Variants in TMCO6 observed in about 807,000 individuals in gnomAD.
TMCO6 encodes transmembrane and coiled-coil domain-containing protein 6.
Under a neutral mutation model 61.8 loss-of-function variants are expected in TMCO6, and 47 were observed. That is an observed-to-expected ratio of 0.76 (90% CI 0.60 to 0.97). The LOEUF is 0.97. TMCO6 is among the 50% of genes least tolerant of loss of function. The pLI, the probability that TMCO6 is intolerant of heterozygous loss-of-function variation, is 0.00. For synonymous variants in TMCO6, 261 were observed against 254.2 expected, an observed-to-expected ratio of 1.03 and a Z score of -0.25; for missense variants, 557 against 601.6, an observed-to-expected ratio of 0.93 and a Z score of 0.78.
intron 2 of TMCO6, 137 bp from the exon 3 acceptor site, chr5:140,641,528 C>G (rs1363428055): frequency 2.9e-6 from 2 of 686,936 alleles, no homozygotes; most frequent in African/African-American, 1.8e-5. Context: ...AAGGTAGATG[C>G]TTATTAGTTG....
chr5:140,640,509 G>C (rs1756954882), intron 2 of TMCO6, among the ~76,000 whole-genome samples: 1 of 151,406 alleles, frequency 6.6e-6, no homozygotes, highest in Non-Finnish European at 1.5e-5. Context: ...GGGTTCAAGC[G>C]ATTCTCCTGC....
At chr5:140,603,554 C>T in the TMCO6 span, among the ~76,000 whole-genome samples, 6 of 152,246 alleles carry the variant, frequency 3.9e-5, no homozygotes, top group African/African-American at 1.4e-4. Flanking sequence ...GTGATCTGCC[C>T]GCCTCGGCCT....
chr5:140,604,263 T>C, the TMCO6 span, among the ~76,000 whole-genome samples: 20 of 152,046 alleles, frequency 1.3e-4, no homozygotes, highest in Non-Finnish European at 2.5e-4. Flanking sequence ...GGTGTGGTAG[T>C]GTGCTCCTGT....
chr5:140,644,346 TG>T, intron 10 of TMCO6, 152 bp downstream of exon 10: 1 of 992,456 alleles, frequency 1.0e-6, no homozygotes, highest in South Asian at 1.5e-5. Context: ...TCCCTTAAAC[TG>T]GATTATTTAT....
the TMCO6 span, among the ~76,000 whole-genome samples, chr5:140,625,324 C>G: frequency 0.18 from 27,371 of 152,160 alleles, 3,237 homozygotes; most frequent in East Asian, 0.29. Context: ...TGAGTGAAAA[C>G]CAAGCTTCAC....
downstream of TMCO6, chr5:140,647,375 A>G (rs767961780): frequency 3.1e-6 from 5 of 1,611,070 alleles, no homozygotes; most frequent in Non-Finnish European, 4.2e-6. Context: ...GCGGGGCCGG[A>G]GAGAGCGCCG....
At chr5:140,636,762 T>C (rs1756779427), upstream of TMCO6, among the ~76,000 whole-genome samples, 1 of 152,282 alleles carries the variant, frequency 6.6e-6, no homozygotes, top group African/African-American at 2.4e-5. Context: ...ATTGATTAAC[T>C]CCAAGGGGTA....
At chr5:140,640,772 T>C (rs1417761173) in intron 2 of TMCO6, among the ~76,000 whole-genome samples, 2 of 152,378 alleles carry the variant, frequency 1.3e-5, no homozygotes, top group African/African-American at 4.8e-5. Flanking sequence ...TAGACTTTAA[T>C]TGCAGGAAAA....
At chr5:140,609,703 T>C in the TMCO6 span, among the ~76,000 whole-genome samples, 1 of 152,136 alleles carries the variant, frequency 6.6e-6, no homozygotes, top group African/African-American at 2.4e-5. Flanking sequence ...ATTGTCATCT[T>C]GACAATCATA....
chr5:140,647,228 C>T, downstream of TMCO6: 1 of 1,525,266 alleles, frequency 6.6e-7, no homozygotes, highest in South Asian at 1.3e-5. Flanking sequence ...CCTACCGGAG[C>T]CCCAGACCCC....
At chr5:140,631,886 C>A in the TMCO6 span, 2 of 1,584,976 alleles carry the variant, frequency 1.3e-6, no homozygotes, top group South Asian at 2.3e-5. Context: ...CTTGGAGCAG[C>A]ACCAGGGTTC....
At chr5:140,612,898 A>C in the TMCO6 span, among the ~76,000 whole-genome samples, 1 of 152,192 alleles carries the variant, frequency 6.6e-6, no homozygotes, top group South Asian at 2.1e-4. Context: ...TCTTCAATCA[A>C]TCAAATCAGT....
the TMCO6 span, chr5:140,632,743 G>GC: frequency 6.2e-7 from 1 of 1,613,434 alleles, no homozygotes; most frequent in Non-Finnish European, 8.5e-7. This position sits in a 1 kb window ranked among gnomAD's most constrained non-coding sequence, Gnocchi z 6.2. Context: ...TCAGCATACT[G>GC]CCGCGGGTCG....
chr5:140,601,665 C>T, the TMCO6 span, among the ~76,000 whole-genome samples: 2 of 152,112 alleles, frequency 1.3e-5, no homozygotes, highest in Non-Finnish European at 2.9e-5. Context: ...ATAAGGATGA[C>T]GTAAAGCAGT....
chr5:140,640,911 T>C (rs1250014060), intron 2 of TMCO6: 1 of 152,566 alleles, frequency 6.6e-6, no homozygotes, highest in Non-Finnish European at 1.5e-5. Flanking sequence ...TCCCCTGTAT[T>C]TGTATTATGT....
At chr5:140,619,381 AT>A in the TMCO6 span, among the ~76,000 whole-genome samples, 4 of 152,180 alleles carry the variant, frequency 2.6e-5, no homozygotes, top group South Asian at 2.1e-4. Flanking sequence ...TAAAACACAA[AT>A]AAAACAGCTT....
At chr5:140,614,377 A>G in the TMCO6 span, among the ~76,000 whole-genome samples, 2 of 151,938 alleles carry the variant, frequency 1.3e-5, no homozygotes, top group Non-Finnish European at 2.9e-5. Flanking sequence ...GCGTGGTGGC[A>G]CATGCCTGTA....
the TMCO6 span, among the ~76,000 whole-genome samples, chr5:140,626,336 T>G: frequency 5.4e-4 from 80 of 147,472 alleles, no homozygotes; most frequent in African/African-American, 1.9e-3. Context: ...TAGAAAAAGA[T>G]ATCCAATTTT....
chr5:140,639,789 A>C lies in TMCO6; in HGVS notation c.136A>C (p.Arg46=), dbSNP rs1012237225. The C allele has an allele frequency of 3.7e-6, 6 of 1,609,450 alleles. No individual in the cohort carries two copies. The highest frequency in any genetic ancestry group is 5.1e-6 in the Non-Finnish European group (6 of 1,178,556). The change falls in exon 2 of 12, where the codon AGA becomes CGA. Residue 46 remains arginine (R), a synonymous_variant. Transcript: ENST00000394671. ...EQQLVSKRLL[R]NDAPEEAGEG... is the part of the protein sequence containing the mutation. ...GCAGCTGGTCAGCAAGAGGCTGCTG[A>C]GAAACGACGCCCCAGAGGAAGCTGG...
Sources: allele counts gnomAD v4.1 joint callset (sites outside exome capture counted in the v4.1 genomes callset), GRCh38; gene constraint gnomAD v4.1.1; non-coding constraint Gnocchi (gnomAD v3.1); transcripts MANE v1.5; gene names NCBI Gene and HGNC (gene_info 2026-07-23, HGNC 2026-07-21).